The following BAIAP2L1 variants were observed in gnomAD, a reference collection of about 807,000 sequenced individuals.
The protein encoded by BAIAP2L1 is BAR/IMD domain containing adaptor protein 2 like 1.
A neutral mutation model predicts 66.3 loss-of-function variants in BAIAP2L1; 35 were observed. The ratio of observed to expected loss-of-function variants is 0.53; its 90% CI spans 0.40 to 0.70. BAIAP2L1 has a LOEUF of 0.70. Ranked by LOEUF, BAIAP2L1 falls within the 30% of genes least tolerant of loss-of-function variation. The pLI is 0.00. For synonymous variants in BAIAP2L1, 269 were observed against 248.7 expected (o/e 1.08, Z -0.77); for missense variants, 622 against 656.9 (o/e 0.95, Z 0.58).
intron 1 of BAIAP2L1, among the ~76,000 whole-genome samples, chr7:98,369,418 G>A (rs984002507): frequency 6.6e-6 from 1 of 152,230 alleles, no homozygotes; most frequent in South Asian, 2.1e-4. Flanking sequence ...AAGAGACGGA[G>A]GTAGCAGTGA....
chr7:98,329,609 C>T (rs549599469), intron 3 of BAIAP2L1, among the ~76,000 whole-genome samples: 3 of 151,988 alleles, frequency 2.0e-5, no homozygotes, highest in Admixed American at 6.6e-5. Flanking sequence ...TACGGAAGGC[C>T]GGGCCTCAAG....
At chr7:98,332,950 T>C (rs1469157582) in intron 3 of BAIAP2L1, among the ~76,000 whole-genome samples, 1 of 152,008 alleles carries the variant, frequency 6.6e-6, no homozygotes, top group Non-Finnish European at 1.5e-5. Flanking sequence ...TCATGCCTTC[T>C]GTCTGCAGAC....
chr7:98,379,793 T>C (rs1024461768), intron 1 of BAIAP2L1, among the ~76,000 whole-genome samples: 1 of 152,140 alleles, frequency 6.6e-6, no homozygotes, highest in Non-Finnish European at 1.5e-5. Context: ...CCCATTACGC[T>C]AAGAAGCCAG....
At chr7:98,349,712 CA>C (rs529602696) in intron 3 of BAIAP2L1, among the ~76,000 whole-genome samples, 559 of 139,964 alleles carry the variant, frequency 4.0e-3, no homozygotes, top group Middle Eastern at 7.6e-3. Context: ...ATCTCTACTA[CA>C]AAAAAAAAAA....
At chr7:98,349,387 G>A (rs192372615) in intron 3 of BAIAP2L1, among the ~76,000 whole-genome samples, 3 of 152,226 alleles carry the variant, frequency 2.0e-5, no homozygotes, top group East Asian at 1.9e-4. Context: ...GCACAAGAGC[G>A]GAGCAATACT....
At chr7:98,335,955 G>A (rs555600204) in intron 3 of BAIAP2L1, among the ~76,000 whole-genome samples, 1 of 152,232 alleles carries the variant, frequency 6.6e-6, no homozygotes, top group African/African-American at 2.4e-5. Flanking sequence ...TAGACAGGGG[G>A]TCTAAATCCT....
At chr7:98,367,301 A>T (rs1450882807) in intron 1 of BAIAP2L1, among the ~76,000 whole-genome samples, 1 of 151,950 alleles carries the variant, frequency 6.6e-6, no homozygotes, top group African/African-American at 2.4e-5. Context: ...AGTTCTATTA[A>T]CTCAACTACA....
chr7:98,314,459 G>T (rs1363470564), intron 7 of BAIAP2L1, among the ~76,000 whole-genome samples: 1 of 152,144 alleles, frequency 6.6e-6, no homozygotes, highest in Non-Finnish European at 1.5e-5. Context: ...ATGAATTTCT[G>T]ACCTCAACCA....
intron 3 of BAIAP2L1, among the ~76,000 whole-genome samples, chr7:98,338,611 G>A (rs1183954161): frequency 2.0e-5 from 3 of 152,068 alleles, no homozygotes; most frequent in Non-Finnish European, 4.4e-5. Flanking sequence ...CTTCTTTGAC[G>A]TGGCACATAA....
In BAIAP2L1 at chr7:98,365,294, C is replaced by T. The variant is rs141320769; in HGVS notation, c.52-2862G>A. The stretch of plus-strand genomic sequence containing the variant: ...TTGTCTCTTCATTCTTTCTGGAACT[C>T]TGATGAAGATTTTATATATCCTGGA... On this transcript the variant is annotated intron_variant, in intron 1 of 13. Coordinates refer to ENST00000005260, the MANE Select transcript of BAIAP2L1 (RefSeq NM_018842.5). Among the ~76,000 whole-genome samples the T allele has an allele frequency of 1.3e-3, 199 of 152,252 alleles. 1 individual carries two copies. In the East Asian group the frequency reaches 0.02, roughly 15 times the overall value.
In BAIAP2L1 at chr7:98,352,099, A is replaced by C. The variant is rs1228464654; in HGVS notation, c.214+2943T>G. Among the ~76,000 whole-genome samples, 3 of 151,638 alleles carry C rather than the reference A, an allele frequency of 2.0e-5. No homozygotes were observed. The South Asian group carries it at 6.2e-4, about 32-fold the overall frequency. ...CTTTGGTCTTTTTTTTTTTCTATGAATTGTCCATGACTCTTCCATACAGGG... is the reference window on the plus strand; with the variant it reads ...CTTTGGTCTTTTTTTTTTTCTATGACTTGTCCATGACTCTTCCATACAGGG... On this transcript the variant is annotated intron_variant, in intron 3 of 13. Transcript: ENST00000005260.
intron 1 of BAIAP2L1, among the ~76,000 whole-genome samples, chr7:98,381,599 T>C (rs1393735573): frequency 6.6e-6 from 1 of 152,162 alleles, no homozygotes; most frequent in African/African-American, 2.4e-5. Context: ...AACCAAGCAA[T>C]TGGGACCAGT....
chr7:98,351,024 T>C (rs1021690615), intron 3 of BAIAP2L1, among the ~76,000 whole-genome samples: 1 of 151,992 alleles, frequency 6.6e-6, no homozygotes, highest in Non-Finnish European at 1.5e-5. Context: ...GCCTGGCTAA[T>C]TTTTTGGTAT....
intron 1 of BAIAP2L1, among the ~76,000 whole-genome samples, chr7:98,385,618 T>C (rs1211060404): frequency 6.6e-6 from 1 of 151,998 alleles, no homozygotes. Flanking sequence ...TTCACTATGT[T>C]GTCCAGGCTG....
At chr7:98,386,211 A>G (rs1002353180) in intron 1 of BAIAP2L1, 15 of 1,516,690 alleles carry the variant, frequency 9.9e-6, no homozygotes, top group Non-Finnish European at 1.3e-5. Context: ...TAGTCTTGAC[A>G]TCAACGTGAG....
At chr7:98,303,802 A>G (rs1221220821) in intron 12 of BAIAP2L1, among the ~76,000 whole-genome samples, 1 of 152,242 alleles carries the variant, frequency 6.6e-6, no homozygotes, top group Non-Finnish European at 1.5e-5. Flanking sequence ...GACTTTCTGA[A>G]GAAAGATGAA....
chr7:98,293,437 A>T lies in BAIAP2L1; in HGVS notation c.*84T>A. Reference sequence around the variant, plus strand: ...TAGGCCTCTCCACTGAAGCTTCCCGACCGTCAGCACGTGGCAGACAGGATG... The same window carrying T: ...TAGGCCTCTCCACTGAAGCTTCCCGTCCGTCAGCACGTGGCAGACAGGATG... On this transcript the variant is annotated 3_prime_UTR_variant, in exon 14 of 14. Coordinates refer to ENST00000005260, the MANE Select transcript of BAIAP2L1 (RefSeq NM_018842.5). 7.7e-7 allele frequency: 1 copy of T among 1,305,486 alleles called. No homozygotes were observed. Among genetic ancestry groups the T allele is most frequent in the Non-Finnish European group, 1.1e-6 (1 of 908,374 alleles). 80.9% of individuals were successfully genotyped at this position (1,305,486 alleles called of 1,614,324 possible). A position where few individuals can be genotyped will look rare whatever the true frequency, so the allele number is the denominator to read the frequency against.
intron 12 of BAIAP2L1, 60 bp from the exon 13 acceptor site, chr7:98,294,171 T>A: frequency 6.4e-7 from 1 of 1,556,470 alleles, no homozygotes; most frequent in Non-Finnish European, 8.9e-7. Flanking sequence ...AAAATTATTT[T>A]AGGTAGAGAT....
chr7:98,329,380 G>A (rs1330785062), intron 3 of BAIAP2L1, among the ~76,000 whole-genome samples: 1 of 152,188 alleles, frequency 6.6e-6, no homozygotes, highest in Non-Finnish European at 1.5e-5. Flanking sequence ...TGGAAGAACT[G>A]CTGGGGGCTT....
Sources: gnomAD v4.1 joint callset for allele counts (sites outside exome capture counted in the v4.1 genomes callset) on GRCh38, gnomAD v4.1.1 for gene constraint, MANE v1.5 for transcripts, NCBI Gene and HGNC (gene_info 2026-07-23, HGNC 2026-07-21) for gene names.